The following NWD1 variants were observed in gnomAD, a reference collection of about 807,000 sequenced individuals.
NWD1 encodes the protein NACHT domain- and WD repeat-containing protein 1.
Under a neutral mutation model 135.1 loss-of-function variants are expected in NWD1, and 129 were observed. The observed-to-expected ratio is 0.96, with a 90% CI of 0.83 to 1.11. The LOEUF (loss-of-function observed/expected upper bound fraction) is 1.11. NWD1 is among the 50% of genes least tolerant of loss of function. The pLI is 0.00. For synonymous variants in NWD1, 773 were observed against 786.0 expected, an observed-to-expected ratio of 0.98 and a Z score of 0.28; for missense variants, 1,740 against 1,851.3, an observed-to-expected ratio of 0.94 and a Z score of 1.10.
rs150097438 is a variant in NWD1 at position 16,735,501 on chromosome 19, G to A, written c.82-1133G>A. On this transcript the variant is annotated intron_variant, in intron 3 of 18. Transcript: ENST00000524140. ...AGCCTGGGTGACAGAGCAAGACTCT[G>A]TCCCCCTGACCAAAAAAAAAAAGAA... Among the ~76,000 whole-genome samples the A allele has an allele frequency of 3.9e-3, 576 of 148,494 alleles. 5 individuals are homozygous for A. The highest frequency in any genetic ancestry group is 0.014 in the African/African-American group (543 of 40,072).
chr19:16,756,731 AC>A (rs1968813890), intron 6 of NWD1, among the ~76,000 whole-genome samples: 1 of 152,070 alleles, frequency 6.6e-6, no homozygotes, highest in Non-Finnish European at 1.5e-5. Context: ...CAGTACCGGT[AC>A]TGCTCCGTGG....
intron 10 of NWD1, among the ~76,000 whole-genome samples, chr19:16,769,787 C>A (rs1279473908): frequency 1.3e-5 from 2 of 152,196 alleles, no homozygotes; most frequent in Non-Finnish European, 2.9e-5. Flanking sequence ...CCGATCCTTG[C>A]CTCTGAATTT....
At chr19:16,729,650 C>T (rs1967476607) in intron 2 of NWD1, among the ~76,000 whole-genome samples, 1 of 151,150 alleles carries the variant, frequency 6.6e-6, no homozygotes, top group Non-Finnish European at 1.5e-5. Context: ...GGCCGAGGCA[C>T]CTGAGGTGAG....
intron 7 of NWD1, 138 bp downstream of exon 7, chr19:16,759,566 C>A: frequency 1.5e-6 from 1 of 667,046 alleles, no homozygotes; most frequent in Non-Finnish European, 2.6e-6. Context: ...AACTCTGACA[C>A]AATTCACTTA....
chr19:16,806,447 T>C (rs1365833028), intron 17 of NWD1, among the ~76,000 whole-genome samples: 2 of 152,168 alleles, frequency 1.3e-5, no homozygotes, highest in Non-Finnish European at 2.9e-5. Flanking sequence ...GGACAATTCA[T>C]GGTGGCTCAT....
chr19:16,776,501 G>A (rs1969603867), intron 11 of NWD1, among the ~76,000 whole-genome samples: 1 of 151,682 alleles, frequency 6.6e-6, no homozygotes, highest in Non-Finnish European at 1.5e-5. Flanking sequence ...CTGGAAGGCG[G>A]AGGTTGCAGT....
At chr19:16,778,893 T>C (rs1028411573) in intron 11 of NWD1, among the ~76,000 whole-genome samples, 2 of 152,202 alleles carry the variant, frequency 1.3e-5, no homozygotes, top group Non-Finnish European at 2.9e-5. Context: ...TTCTCAGCCA[T>C]GGCATTGCTG....
intron 6 of NWD1, among the ~76,000 whole-genome samples, chr19:16,756,908 A>T (rs1263227463): frequency 6.6e-6 from 1 of 151,954 alleles, no homozygotes; most frequent in Non-Finnish European, 1.5e-5. Context: ...AAGAGCACAA[A>T]CCTTGTTGGG....
intron 17 of NWD1, 152 bp from the exon 18 acceptor site, chr19:16,807,434 G>C: frequency 1.7e-6 from 1 of 584,820 alleles, no homozygotes; most frequent in South Asian, 3.2e-5. Flanking sequence ...TGGAGGTTAC[G>C]GTGACCTGAG....
Position 16,797,714 on chromosome 19 carries a change from C to T in NWD1, c.3305-18C>T. On this transcript the variant is annotated intron_variant, in intron 15 of 18. Transcript: ENST00000524140. ...CCTCTGGACATGAGAGGTGTAACCC[C>T]AGTTCCTGCCGTTTCAGGCTTTGGA... 6.2e-7 allele frequency: 1 copy of T among 1,611,126 alleles called. No homozygotes were observed. Among genetic ancestry groups the T allele is most frequent in the Non-Finnish European group, 8.5e-7 (1 of 1,178,270 alleles).
rs757906436 is a variant in NWD1, at chr19:16,788,975, G to A, written c.2732-7G>A. On this transcript the variant is annotated splice_polypyrimidine_tract_variant and splice_region_variant and intron_variant, in intron 12 of 18. Transcript: ENST00000524140. ...AATATACTCTCCCCTACCCTGGCCT[G>A]CTGCAGGAGAGGTGAGGTGTGTGAA... 7 of 1,608,574 alleles carry A rather than the reference G, an allele frequency of 4.4e-6. No homozygotes were observed. In the South Asian group the frequency reaches 5.5e-5, roughly 13 times the overall value.
In NWD1 at chr19:16,773,196, G is replaced by A. The variant is rs1190883589; in HGVS notation, c.2481G>A (p.Val827=). The change falls in exon 11 of 19, where the codon GTG becomes GTA. Residue 827 remains valine (V), a synonymous_variant. Transcript: ENST00000524140. ...HFFATSHPAL[V]GQLCQQAQSW... is the part of the protein sequence containing the mutation. ...TCGCCACCTCACATCCAGCACTGGTGGGACAGCTATGCCAACAGGCCCAGA... is the reference window on the plus strand; with the variant it reads ...TCGCCACCTCACATCCAGCACTGGTAGGACAGCTATGCCAACAGGCCCAGA... 4 of 1,613,866 alleles carry A rather than the reference G, an allele frequency of 2.5e-6. No homozygotes were observed. Among genetic ancestry groups the A allele is most frequent in the South Asian group, 1.1e-5 (1 of 91,080 alleles).
intron 3 of NWD1, among the ~76,000 whole-genome samples, chr19:16,732,041 ACT>A (rs1430017250): frequency 2.0e-5 from 3 of 150,784 alleles, no homozygotes; most frequent in African/African-American, 7.3e-5. Flanking sequence ...ACATGATGAA[ACT>A]CTGTCTCTAC....
At chr19:16,779,547 T>A in intron 12 of NWD1, 82 bp downstream of exon 12, 1 of 1,334,484 alleles carries the variant, frequency 7.5e-7, no homozygotes, top group Non-Finnish European at 1.1e-6. Flanking sequence ...CAGATTCACT[T>A]CTCTGTATTG....
At chr19:16,784,615 C>A (rs1186005809) in intron 12 of NWD1, among the ~76,000 whole-genome samples, 2 of 151,866 alleles carry the variant, frequency 1.3e-5, no homozygotes, top group Admixed American at 1.3e-4. Flanking sequence ...GAGGCTGGAG[C>A]TCCAGAGATT....
intron 2 of NWD1, among the ~76,000 whole-genome samples, chr19:16,728,264 T>G (rs1568331782): frequency 6.7e-6 from 1 of 149,878 alleles, no homozygotes; most frequent in Non-Finnish European, 1.5e-5. Flanking sequence ...TTATGGAACA[T>G]TTGCTGGGTC....
At chr19:16,732,876 G>C (rs11670033) in intron 3 of NWD1, among the ~76,000 whole-genome samples, 99,991 of 151,642 alleles carry the variant, frequency 0.66, 34,367 homozygotes, top group African/African-American at 0.82. Context: ...TAACTTGAGG[G>C]CTGCCTCCTT....
Position 16,807,690 on chromosome 19 carries a change from G to A in NWD1, c.3841G>A (p.Val1281Met), listed in dbSNP as rs1020033834. The A allele has an allele frequency of 2.5e-6, 4 of 1,612,808 alleles. No individual in the cohort carries two copies. The highest frequency in any genetic ancestry group is 3.4e-6 in the Non-Finnish European group (4 of 1,179,346). ...GGGCCTCGTGTCGGGGGTCGTCCTT[G>A]TGTTCCCCCTGAATTCCAGGCAGGA... ...FTGLVSGVVL[V>M]FPLNSRQDVI... Residue 1281 changes from valine (V) to methionine (M), a missense_variant, in exon 18 of 19, where the codon GTG becomes ATG. Val to Met is a conservative substitution (Grantham distance 21). Transcript: ENST00000524140.
intron 4 of NWD1, among the ~76,000 whole-genome samples, chr19:16,742,528 GC>G (rs992177826): frequency 1.3e-5 from 2 of 151,942 alleles, no homozygotes; most frequent in African/African-American, 4.8e-5. Context: ...CCATCCCCAG[GC>G]CCCTGTTTCC....
Sources: gnomAD v4.1 joint callset for allele counts (sites outside exome capture counted in the v4.1 genomes callset) on GRCh38, gnomAD v4.1.1 for gene constraint, MANE v1.5 for transcripts, NCBI Gene and HGNC (gene_info 2026-07-23, HGNC 2026-07-21) for gene names.